The following EPHX2 variants were observed in gnomAD, a reference collection of about 807,000 sequenced individuals.
EPHX2 encodes epoxide hydrolase 2.
In EPHX2, 74 loss-of-function variants were observed where a neutral mutation model predicts 78.7. The observed-to-expected ratio is 0.94, with a 90% CI of 0.78 to 1.14. EPHX2 has a LOEUF of 1.14. EPHX2 is among the 50% of genes most tolerant of loss of function. The pLI, the probability that EPHX2 is intolerant of heterozygous loss-of-function variation, is 0.00. For missense variants in EPHX2, 715 were observed against 702.5 expected (o/e 1.02, Z -0.20); for synonymous variants, 251 against 255.2 (o/e 0.98, Z 0.16).
chr8:27,500,584 C>T (rs1813726859), intron 1 of EPHX2, among the ~76,000 whole-genome samples: 2 of 152,184 alleles, frequency 1.3e-5, no homozygotes, highest in South Asian at 4.2e-4. Flanking sequence ...TCTTTGAGAC[C>T]ATGCCTGGTG....
chr8:27,503,465 T>G, intron 2 of EPHX2, 139 bp from the exon 3 acceptor site: 1 of 1,006,558 alleles, frequency 9.9e-7, no homozygotes, highest in Non-Finnish European at 1.4e-6. Flanking sequence ...TTGGAGAACA[T>G]ATGTTGGCAT....
At chr8:27,529,844 GA>G (rs1450689035) in intron 12 of EPHX2, among the ~76,000 whole-genome samples, 1 of 150,746 alleles carries the variant, frequency 6.6e-6, no homozygotes, top group African/African-American at 2.4e-5. Flanking sequence ...CTGGGAGATG[GA>G]GGTTGCAGTG....
intron 4 of EPHX2, 148 bp from the exon 5 acceptor site, chr8:27,506,724 G>A (rs2132725905): frequency 1.7e-6 from 2 of 1,154,836 alleles, no homozygotes; most frequent in Admixed American, 2.5e-5. Context: ...TTGTTTTCAT[G>A]CGTATGTTGT....
intron 10 of EPHX2, among the ~76,000 whole-genome samples, chr8:27,521,650 T>C (rs546813760): frequency 1.3e-5 from 2 of 152,280 alleles, no homozygotes; most frequent in Admixed American, 1.3e-4. Flanking sequence ...CTCAGTTTCC[T>C]GGGATTAGGT....
chr8:27,544,453 G>A lies in EPHX2; in HGVS notation c.1599G>A (p.Glu533=), dbSNP rs1167956910. The change falls in exon 19 of 19, where the codon GAG becomes GAA. Residue 533 remains glutamate (E), a synonymous_variant. Transcript: ENST00000521400. ...GHWTQMDKPT[E]VNQILIKWLD... ...TCTCCCTTTCCCCCAGGCCAACCGA[G>A]GTGAATCAGATCCTCATTAAGTGGC... 2 of 1,613,988 alleles carry A rather than the reference G, an allele frequency of 1.2e-6. No individual in the cohort carries two copies. Among genetic ancestry groups the A allele is most frequent in the African/African-American group, 2.7e-5 (2 of 74,896 alleles).
In EPHX2 at chr8:27,512,771, C is replaced by G. The variant is rs561771092; in HGVS notation, c.735+861C>G. Reference sequence around the variant, plus strand: ...CTGGAATCTTGGTTTTGCCACTTAACTGACATTGCAGCCTTGGACAAGCAT... The same window carrying G: ...CTGGAATCTTGGTTTTGCCACTTAAGTGACATTGCAGCCTTGGACAAGCAT... On this transcript the variant is annotated intron_variant, in intron 6 of 18. Coordinates refer to ENST00000521400, the MANE Select transcript of EPHX2 (RefSeq NM_001979.6). 7.9e-5 allele frequency among the ~76,000 whole-genome samples: 12 copies of G among 152,330 alleles called. No individual in the cohort carries two copies. The South Asian group carries it at 2.5e-3, about 32-fold the overall frequency.
At chr8:27,508,947 T>C (rs1053469900) in intron 5 of EPHX2, among the ~76,000 whole-genome samples, 15 of 76,292 alleles carry the variant, frequency 2.0e-4, no homozygotes, top group Non-Finnish European at 2.4e-4. Flanking sequence ...CCCATCCTGC[T>C]TTTTTTTTTT....
chr8:27,521,043 G>A (rs1309067502), intron 10 of EPHX2, 134 bp downstream of exon 10: 3 of 956,090 alleles, frequency 3.1e-6, no homozygotes, highest in Non-Finnish European at 5.0e-6. Context: ...GGCAGAGTGG[G>A]CATGGGCAGG....
chr8:27,541,641 G>C, intron 16 of EPHX2, 99 bp downstream of exon 16: 1 of 1,299,024 alleles, frequency 7.7e-7, no homozygotes, highest in Non-Finnish European at 1.1e-6. Context: ...AGAGCTGGTT[G>C]TGGACAGATC....
chr8:27,505,674 A>T (rs766632770), intron 4 of EPHX2, among the ~76,000 whole-genome samples: 1 of 151,218 alleles, frequency 6.6e-6, no homozygotes, highest in Non-Finnish European at 1.5e-5. Flanking sequence ...CCAACCCCCC[A>T]CCTCCCCACA....
rs1490110831 is a variant in EPHX2, at chr8:27,524,481, G to A, written c.1059-881G>A. Reference sequence around the variant, plus strand: ...CCTCATGGTTTTCTTGGTTCTTACAGCACCAAATTCAGACTCAGGTCCCTT... The same window carrying A: ...CCTCATGGTTTTCTTGGTTCTTACAACACCAAATTCAGACTCAGGTCCCTT... On this transcript the variant is annotated intron_variant, in intron 11 of 18. Coordinates refer to ENST00000521400, the MANE Select transcript of EPHX2 (RefSeq NM_001979.6). Among the ~76,000 whole-genome samples, 4 of 152,116 alleles carry A rather than the reference G, an allele frequency of 2.6e-5. No individual in the cohort carries two copies. The East Asian group carries it at 7.7e-4, about 29-fold the overall frequency.
At chr8:27,532,918 G>C (rs1815095026) in intron 12 of EPHX2, among the ~76,000 whole-genome samples, 1 of 152,166 alleles carries the variant, frequency 6.6e-6, no homozygotes, top group Admixed American at 6.5e-5. Context: ...TTTGAGACCA[G>C]CCTGGGCAAC....
chr8:27,523,781 C>G (rs921549249), intron 11 of EPHX2, among the ~76,000 whole-genome samples: 1 of 152,128 alleles, frequency 6.6e-6, no homozygotes, highest in Admixed American at 6.5e-5. Flanking sequence ...TGTCCCCTCT[C>G]TCATTCAAAG....
At chr8:27,506,426 A>G (rs1235449859) in intron 4 of EPHX2, among the ~76,000 whole-genome samples, 1 of 152,260 alleles carries the variant, frequency 6.6e-6, no homozygotes, top group Non-Finnish European at 1.5e-5. Flanking sequence ...CCAATTGGAC[A>G]TGACACTTTT....
chr8:27,506,772 TAAAAG>T, intron 4 of EPHX2, 95 bp from the exon 5 acceptor site: 1 of 1,490,696 alleles, frequency 6.7e-7, no homozygotes, highest in Non-Finnish European at 9.1e-7. Flanking sequence ...TAGATGGTTA[TAAAAG>T]AAAAAGAGTT....
At chr8:27,494,921 T>G (rs1245631276) in intron 1 of EPHX2, among the ~76,000 whole-genome samples, 6 of 152,254 alleles carry the variant, frequency 3.9e-5, no homozygotes, top group Admixed American at 3.3e-4. Flanking sequence ...TGGGGAATAC[T>G]GGGGCTTAAT....
chr8:27,523,417 T>C (rs1814718689), intron 11 of EPHX2, among the ~76,000 whole-genome samples: 2 of 152,214 alleles, frequency 1.3e-5, no homozygotes, highest in African/African-American at 4.8e-5. Flanking sequence ...GTAGTCTCTT[T>C]GGCCATTTGA....
chr8:27,544,280 C>T (rs372232559), intron 18 of EPHX2, 36 bp downstream of exon 18: 3 of 1,611,108 alleles, frequency 1.9e-6, no homozygotes, highest in African/African-American at 1.3e-5. Context: ...TCGGGGAGAG[C>T]AGGGCCCCCC....
intron 11 of EPHX2, among the ~76,000 whole-genome samples, chr8:27,524,262 A>G (rs563897592): frequency 1.3e-5 from 2 of 151,902 alleles, no homozygotes; most frequent in South Asian, 2.1e-4. Context: ...CTAGCATCCT[A>G]TTCCCTCTTC....
Sources: gnomAD v4.1 joint callset for allele counts (sites outside exome capture counted in the v4.1 genomes callset) on GRCh38, gnomAD v4.1.1 for gene constraint, MANE v1.5 for transcripts, NCBI Gene and HGNC (gene_info 2026-07-23, HGNC 2026-07-21) for gene names.